The following SOCS2 variants were observed in gnomAD, a reference collection of about 807,000 sequenced individuals.
The protein encoded by SOCS2 is CIS-2.
Under a neutral mutation model 18.6 loss-of-function variants are expected in SOCS2, and 10 were observed. That is an observed-to-expected ratio of 0.54 (90% CI 0.33 to 0.91). The LOEUF is 0.91. SOCS2 is among the 40% of genes least tolerant of loss of function. The probability of loss-of-function intolerance (pLI) is 0.02; values close to 1 mark genes in which losing one functional copy is unlikely to be tolerated. For synonymous variants in SOCS2, 104 were observed against 104.0 expected, an observed-to-expected ratio of 1.00 and a Z score of 0.00; for missense variants, 231 against 247.2, an observed-to-expected ratio of 0.93 and a Z score of 0.44.
chr12:93,584,199 C>T (rs763645894), downstream of SOCS2, among the ~76,000 whole-genome samples: 10 of 152,172 alleles, frequency 6.6e-5, no homozygotes, highest in Non-Finnish European at 1.5e-4. Flanking sequence ...CTCCAGGTTA[C>T]TTTTTTGTAA....
chr12:93,614,878 T>C, the SOCS2 span, among the ~76,000 whole-genome samples: 12 of 150,046 alleles, frequency 8.0e-5, no homozygotes, highest in African/African-American at 3.0e-4. Context: ...CCTCCCAAAG[T>C]GTTGGGATTA....
the SOCS2 span, among the ~76,000 whole-genome samples, chr12:93,617,223 G>T: frequency 6.6e-6 from 1 of 152,168 alleles, no homozygotes; most frequent in South Asian, 2.1e-4. Context: ...TTCCTGGTGG[G>T]AATCCCATAC....
At position 93,573,039 on chromosome 12, in the gene SOCS2, A is replaced by G. The variant is rs1592824883; in HGVS notation, c.139+3A>G. The G allele has an allele frequency of 6.4e-7, 1 of 1,562,986 alleles. No individual in the cohort carries two copies. Among genetic ancestry groups the G allele is most frequent in the Non-Finnish European group, 8.6e-7 (1 of 1,159,266 alleles). On this transcript the variant is annotated splice_donor_region_variant and intron_variant, in intron 1 of 1. Coordinates refer to ENST00000551556, the MANE Select transcript of SOCS2 (RefSeq NM_001270471.2). ...CCTGCGGGAGCTCGGTCAGACAGGT[A>G]GGGAGCCGATCGGCCGCGACGCGTG...
the SOCS2 span, among the ~76,000 whole-genome samples, chr12:93,592,220 C>T: frequency 6.6e-6 from 1 of 152,184 alleles, no homozygotes; most frequent in Non-Finnish European, 1.5e-5. Context: ...ATACTTTCTG[C>T]TCTGCAATTT....
chr12:93,619,235 C>T, the SOCS2 span, among the ~76,000 whole-genome samples: 7 of 152,224 alleles, frequency 4.6e-5, no homozygotes, highest in East Asian at 1.9e-4. Flanking sequence ...TAAGTTGCCC[C>T]GCTTCTTCCT....
chr12:93,597,116 C>T, the SOCS2 span, among the ~76,000 whole-genome samples: 1 of 152,152 alleles, frequency 6.6e-6, no homozygotes, highest in Non-Finnish European at 1.5e-5. Flanking sequence ...GTAACTATAG[C>T]ACAAGTAAAC....
Position 93,575,005 on chromosome 12 carries a change from A to G in SOCS2, c.423A>G (p.Glu141=), listed in dbSNP as rs1254435302. Residue 141 remains glutamate (E), a synonymous_variant, in exon 2 of 2, where the codon GAA becomes GAG. Coordinates refer to ENST00000551556, the MANE Select transcript of SOCS2 (RefSeq NM_001270471.2). ...GCAAGGATAAGCGGACAGGTCCAGAAGCCCCCCGGAACGGCACTGTTCACC... is the reference window on the plus strand; with the variant it reads ...GCAAGGATAAGCGGACAGGTCCAGAGGCCCCCCGGAACGGCACTGTTCACC... ...QMCKDKRTGP[E]APRNGTVHLY... is the part of the protein sequence containing the mutation. 1.2e-6 allele frequency: 2 copies of G among 1,614,154 alleles called. No individual in the cohort carries two copies. The highest frequency in any genetic ancestry group is 2.2e-5 in the South Asian group (2 of 91,078).
rs1290298559 is a variant in SOCS2, at chr12:93,574,747, T to G, written c.165T>G (p.Val55=). ...QTGWYWGSMT[V]NEAKEKLKEA... Reference sequence around the variant, plus strand: ...GATGGTACTGGGGAAGTATGACTGTTAATGAAGCCAAAGAGAAATTAAAAG... The same window carrying G: ...GATGGTACTGGGGAAGTATGACTGTGAATGAAGCCAAAGAGAAATTAAAAG... Residue 55 remains valine, a synonymous_variant, in exon 2 of 2, where the codon GTT becomes GTG. Transcript: ENST00000551556. The G allele has an allele frequency of 1.9e-6, 3 of 1,613,522 alleles. No homozygotes were observed. In the Admixed American group the frequency reaches 5.0e-5, roughly 27 times the overall value.
chr12:93,572,308 T>A (rs1256543478), upstream of SOCS2: 1 of 216,382 alleles, frequency 4.6e-6, no homozygotes, highest in Non-Finnish European at 9.3e-6. This position sits in a 1 kb window ranked among gnomAD's most constrained non-coding sequence, Gnocchi z 5.0. Flanking sequence ...GGGGAATCTC[T>A]CCTGTTCTTT....
At chr12:93,596,243 C>A in the SOCS2 span, among the ~76,000 whole-genome samples, 1 of 152,150 alleles carries the variant, frequency 6.6e-6, no homozygotes. Flanking sequence ...GATTTAATCC[C>A]CATAACACCA....
downstream of SOCS2, among the ~76,000 whole-genome samples, chr12:93,578,808 C>T (rs1443413541): frequency 6.6e-6 from 1 of 152,124 alleles, no homozygotes; most frequent in Admixed American, 6.5e-5. Flanking sequence ...CGCTCCTACC[C>T]TTTGATAAAA....
chr12:93,591,241 T>TAA, the SOCS2 span, among the ~76,000 whole-genome samples: 28 of 120,974 alleles, frequency 2.3e-4, no homozygotes, highest in African/African-American at 7.4e-4. Context: ...AGGTGTTTTT[T>TAA]AAAAAAAAAA....
upstream of SOCS2, chr12:93,570,406 C>T: frequency 6.6e-6 from 1 of 152,312 alleles, no homozygotes; most frequent in East Asian, 1.9e-4. Context: ...AGGACCTGAT[C>T]AAGGGGACCG....
At position 93,574,760 on chromosome 12, in the gene SOCS2, G is replaced by C; in HGVS notation, c.178G>C (p.Glu60Gln). 1 of 1,613,858 alleles carries C rather than the reference G, an allele frequency of 6.2e-7. No homozygotes were observed. The highest frequency in any genetic ancestry group is 8.5e-7 in the Non-Finnish European group (1 of 1,179,918). Residue 60 changes from glutamate (E) to glutamine (Q), a missense_variant, in exon 2 of 2, where the codon GAG (glutamate) becomes CAG (glutamine). Physicochemically the swap from Glu to Gln is conservative, Grantham distance 29. Transcript: ENST00000551556. The part of the protein sequence containing the change: ...WGSMTVNEAK[E>Q]KLKEAPEGTF... Reference sequence around the variant, plus strand: ...AAGTATGACTGTTAATGAAGCCAAAGAGAAATTAAAAGAGGCACCAGAAGG... The same window carrying C: ...AAGTATGACTGTTAATGAAGCCAAACAGAAATTAAAAGAGGCACCAGAAGG...
chr12:93,609,119 C>T, the SOCS2 span, among the ~76,000 whole-genome samples: 2,311 of 151,388 alleles, frequency 0.015, 72 homozygotes, highest in African/African-American at 0.053. Flanking sequence ...AGGCCAGGTA[C>T]GGTGGCTCAT....
rs1954446958 is a variant in SOCS2 at position 93,575,812 on chromosome 12, A to G, written c.*633A>G. The G allele has an allele frequency of 6.6e-6, 1 of 152,642 alleles. No individual in the cohort carries two copies. The highest frequency in any genetic ancestry group is 2.4e-5 in the African/African-American group (1 of 41,448). 9.5% of individuals were successfully genotyped at this position (152,642 alleles called of 1,614,324 possible). On this transcript the variant is annotated 3_prime_UTR_variant, in exon 2 of 2. Coordinates refer to ENST00000551556, the MANE Select transcript of SOCS2 (RefSeq NM_001270471.2). ...AATGAGTACTGTAGTAATCCATTCT[A>G]TGGGAGCCTTATTTCAGAAATATTT...
the SOCS2 span, among the ~76,000 whole-genome samples, chr12:93,608,017 T>TTG: frequency 6.6e-6 from 1 of 151,654 alleles, no homozygotes; most frequent in African/African-American, 2.4e-5. Context: ...TTTTTTTTTT[T>TTG]TTGAGACAGG....
At chr12:93,604,301 T>C in the SOCS2 span, among the ~76,000 whole-genome samples, 1 of 152,222 alleles carries the variant, frequency 6.6e-6, no homozygotes, top group Admixed American at 6.5e-5. Flanking sequence ...ATAAGCCATA[T>C]ATAAATGAAA....
chr12:93,586,053 T>C (rs1954583007), downstream of SOCS2, among the ~76,000 whole-genome samples: 1 of 152,232 alleles, frequency 6.6e-6, no homozygotes, highest in Admixed American at 6.5e-5. Context: ...TTGCTTTTTT[T>C]TCCCTCCCCC....
Sources: allele counts gnomAD v4.1 joint callset (sites outside exome capture counted in the v4.1 genomes callset), GRCh38; gene constraint gnomAD v4.1.1; non-coding constraint Gnocchi (gnomAD v3.1); transcripts MANE v1.5; gene names NCBI Gene and HGNC (gene_info 2026-07-23, HGNC 2026-07-21).